TPTE: variants seen among roughly 807,000 people sequenced by gnomAD.
TPTE encodes transmembrane phosphatase with tensin homology.
A neutral mutation model predicts 84.1 loss-of-function variants in TPTE; 59 were observed. The ratio of observed to expected loss-of-function variants is 0.70; its 90% confidence interval spans 0.57 to 0.87. The LOEUF (loss-of-function observed/expected upper bound fraction) is 0.87. Among genes scored for constraint, TPTE ranks in the 40% least tolerant of loss-of-function variants. The probability of loss-of-function intolerance (pLI) is 0.00; values close to 1 mark genes in which losing one functional copy is unlikely to be tolerated. For synonymous variants in TPTE, 130 were observed against 223.5 expected (o/e 0.58, Z 3.73); for missense variants, 382 against 659.6 (o/e 0.58, Z 4.61).
At chr21:10,579,489 T>A (rs1243984187) in intron 17 of TPTE, among the ~76,000 whole-genome samples, 5 of 152,312 alleles carry the variant, frequency 3.3e-5, no homozygotes, top group East Asian at 1.9e-4. Flanking sequence ...AAACTCCATC[T>A]AAAAAAATAA....
chr21:10,570,567 A>T lies in TPTE; in HGVS notation c.795+18A>T. ...CAATCAAGGTAAGGGTCTTTATCTG[A>T]CAAATACTCATTTCTTAGTGAATGT... On this transcript the variant is annotated intron_variant, in intron 14 of 23. Coordinates refer to ENST00000618007, the MANE Select transcript of TPTE (RefSeq NM_199261.4). The T allele has an allele frequency of 6.2e-7, 1 of 1,614,010 alleles. No individual in the cohort carries two copies. The highest frequency in any genetic ancestry group is 1.7e-5 in the Admixed American group (1 of 60,030).
At chr21:10,525,602 T>C (rs996045715) in intron 2 of TPTE, among the ~76,000 whole-genome samples, 2 of 152,308 alleles carry the variant, frequency 1.3e-5, no homozygotes, top group Non-Finnish European at 2.9e-5. Context: ...GTAGCATGAT[T>C]ATAAAGGTGT....
chr21:10,557,439 T>G (rs2074706045), intron 8 of TPTE, among the ~76,000 whole-genome samples: 1 of 152,312 alleles, frequency 6.6e-6, no homozygotes. Flanking sequence ...CTTCATGCCT[T>G]CATAATCTGT....
At chr21:10,558,128 AC>A (rs2074719158) in intron 8 of TPTE, among the ~76,000 whole-genome samples, 1 of 152,308 alleles carries the variant, frequency 6.6e-6, no homozygotes, top group Admixed American at 6.5e-5. Context: ...GTATATATGT[AC>A]CACATTTTCT....
chr21:10,571,377 A>T (rs1169125755), intron 14 of TPTE, among the ~76,000 whole-genome samples: 1 of 152,310 alleles, frequency 6.6e-6, no homozygotes, highest in Non-Finnish European at 1.5e-5. Flanking sequence ...TCTCTGTGAA[A>T]GCTCCCTAAC....
Position 10,603,614 on chromosome 21 carries a change from CT to C in TPTE, c.1506del (p.Phe502LeufsTer40), listed in dbSNP as rs1473615803. 2 of 1,612,306 alleles carry C rather than the reference CT, an allele frequency of 1.2e-6. No homozygotes were observed. Among genetic ancestry groups the C allele is most frequent in the South Asian group, 1.1e-5 (1 of 91,000 alleles). On this transcript the variant is annotated frameshift_variant, in exon 23 of 24. Transcript: ENST00000618007. LOFTEE classifies it high-confidence loss of function. Reference sequence around the variant, plus strand: ...TCATTTTACTTCTGGTTGCACACATCTTTTATTGAAAATAACAGGTATGAAT... The same window carrying C: ...TCATTTTACTTCTGGTTGCACACATCTTTATTGAAAATAACAGGTATGAAT... ...NCSFYFWLHT[S>X]FIENNRLYLP... is the part of the protein sequence containing the mutation.
chr21:10,591,060 C>T (rs955810409), intron 18 of TPTE, among the ~76,000 whole-genome samples: 3 of 152,300 alleles, frequency 2.0e-5, no homozygotes, highest in African/African-American at 4.8e-5. Context: ...CTCCAAAGAG[C>T]CTTGCCCATC....
chr21:10,591,330 T>C (rs1386179033), intron 18 of TPTE, among the ~76,000 whole-genome samples: 3 of 152,312 alleles, frequency 2.0e-5, no homozygotes, highest in African/African-American at 7.2e-5. Context: ...GTGGTGGTTG[T>C]GCACAATGCC....
rs2074312880 is a variant in TPTE at position 10,538,731 on chromosome 21, A to G, written c.8A>G (p.Glu3Gly). 1.9e-6 allele frequency: 3 copies of G among 1,614,070 alleles called. No individual in the cohort carries two copies. Among genetic ancestry groups the G allele is most frequent in the Middle Eastern group, 1.7e-4 (1 of 6,054 alleles). ...GTGAACCCAGAGGCACGTATGAATG[A>G]AAGGTGAGTTATGCGTACGTGTGTC... MNESPDPTDLAGV... is the reference protein window; with the variant it reads MNGSPDPTDLAGV... Residue 3 changes from glutamate to glycine, a missense_variant, in exon 4 of 24, where the codon GAA (glutamate) becomes GGA (glycine). Coordinates refer to ENST00000618007, the MANE Select transcript of TPTE (RefSeq NM_199261.4).
intron 5 of TPTE, among the ~76,000 whole-genome samples, chr21:10,542,122 A>G (rs2074380335): frequency 6.6e-6 from 1 of 152,428 alleles, no homozygotes; most frequent in South Asian, 2.1e-4. Context: ...TACCACCACA[A>G]AGTCTGTCAC....
intron 10 of TPTE, among the ~76,000 whole-genome samples, chr21:10,563,069 G>A (rs1289010483): frequency 1.3e-5 from 2 of 152,310 alleles, no homozygotes; most frequent in African/African-American, 2.4e-5. Context: ...AGACTCTTTA[G>A]TAGAAACGTT....
intron 10 of TPTE, among the ~76,000 whole-genome samples, chr21:10,562,288 T>G (rs4041812): frequency 2.0e-5 from 3 of 151,774 alleles, no homozygotes; most frequent in Admixed American, 1.3e-4. Flanking sequence ...GCCCTGACAG[T>G]GAAAACTACA....
chr21:10,595,069 G>C (rs1384550759), intron 19 of TPTE, among the ~76,000 whole-genome samples: 1 of 152,310 alleles, frequency 6.6e-6, no homozygotes, highest in Non-Finnish European at 1.5e-5. Context: ...TTGAGACAGA[G>C]TCTCGCTCTG....
intron 1 of TPTE, among the ~76,000 whole-genome samples, chr21:10,522,939 C>G (rs1189327217): frequency 6.6e-6 from 1 of 152,304 alleles, no homozygotes; most frequent in Non-Finnish European, 1.5e-5. Context: ...TATTTGTTTT[C>G]TCACAATCCT....
At chr21:10,575,613 G>A (rs367956731) in intron 14 of TPTE, among the ~76,000 whole-genome samples, 1,227 of 150,376 alleles carry the variant, frequency 8.2e-3, no homozygotes, top group South Asian at 0.047. Context: ...GTATGTGCGG[G>A]CTGGATACAG....
chr21:10,570,613 T>G, intron 14 of TPTE, 64 bp downstream of exon 14: 1 of 1,611,566 alleles, frequency 6.2e-7, no homozygotes, highest in East Asian at 2.2e-5. Context: ...GTCATAAGTT[T>G]AATACTGACC....
intron 17 of TPTE, among the ~76,000 whole-genome samples, chr21:10,584,337 CTTTTT>C (rs58211728): frequency 6.5e-4 from 93 of 143,788 alleles, no homozygotes; most frequent in African/African-American, 2.0e-3. Context: ...CCTAAACTCA[CTTTTT>C]TTTTTTTTTT....
At chr21:10,586,977 A>G (rs1368077053) in intron 17 of TPTE, among the ~76,000 whole-genome samples, 6 of 152,302 alleles carry the variant, frequency 3.9e-5, no homozygotes, top group Non-Finnish European at 1.5e-5. Flanking sequence ...ATTTTGGTAG[A>G]TTCTCTTTGT....
intron 6 of TPTE, among the ~76,000 whole-genome samples, chr21:10,542,899 GT>G (rs1159444497): frequency 1.4e-4 from 21 of 152,296 alleles, no homozygotes; most frequent in African/African-American, 5.0e-4. Context: ...CTACTAAGCA[GT>G]TTTTTTATGG....
Sources: gnomAD v4.1 joint callset for allele counts (sites outside exome capture counted in the v4.1 genomes callset) on GRCh38, gnomAD v4.1.1 for gene constraint, MANE v1.5 for transcripts, NCBI Gene and HGNC (gene_info 2026-07-23, HGNC 2026-07-21) for gene names.